The following MAPKAPK2 variants were observed in gnomAD, a reference collection of about 807,000 sequenced individuals.
MAPKAPK2 encodes MAPK activated protein kinase 2, also known as MAP kinase-activated protein kinase 2.
In MAPKAPK2, 9 loss-of-function variants were observed where a neutral mutation model predicts 48.8. The ratio of observed to expected loss-of-function variants is 0.18; its 90% CI spans 0.11 to 0.32. MAPKAPK2 has a LOEUF of 0.32. Among genes scored for constraint, MAPKAPK2 ranks in the 10% least tolerant of loss-of-function variants. The pLI, the probability that MAPKAPK2 is intolerant of heterozygous loss-of-function variation, is 1.00. For synonymous variants in MAPKAPK2, 202 were observed against 190.6 expected (o/e 1.06, Z -0.49); for missense variants, 331 against 498.3 (o/e 0.66, Z 3.20).
chr1:206,731,875 A>G lies in MAPKAPK2; in HGVS notation c.1015A>G (p.Ser339Gly). Residue 339 changes from serine (S) to glycine (G), a missense_variant, in exon 9 of 10, where the codon AGC (serine) becomes GGC (glycine). Physicochemically the swap from Ser to Gly is moderately conservative, Grantham distance 56 (BLOSUM62 0). This residue lies in a region of MAPKAPK2 where 124 missense variants were observed against 194.6 expected (regional missense o/e 0.64). Coordinates refer to ENST00000367103, the MANE Select transcript of MAPKAPK2 (RefSeq NM_032960.4). The surrounding 1 kb of genome is among the most constrained non-coding windows in gnomAD (Gnocchi z 5.9). ...GGTCCCTCAAACCCCACTGCACACC[A>G]GCCGGGTCCTGAAGGAGGACAAGGA... is the stretch of plus-strand genomic sequence containing the variant. ...TKVPQTPLHT[S>G]RVLKEDKERW... The G allele has an allele frequency of 6.2e-7, 1 of 1,614,064 alleles. No individual in the cohort carries two copies. Among genetic ancestry groups the G allele is most frequent in the Non-Finnish European group, 8.5e-7 (1 of 1,180,008 alleles).
intron 1 of MAPKAPK2, among the ~76,000 whole-genome samples, chr1:206,705,445 C>T (rs1286793470): frequency 6.6e-6 from 1 of 152,134 alleles, no homozygotes; most frequent in Non-Finnish European, 1.5e-5. Flanking sequence ...GCCAGGCTGC[C>T]GAGAGTGCCT....
chr1:206,711,244 T>TTTTG (rs530867423), intron 1 of MAPKAPK2, among the ~76,000 whole-genome samples: 9 of 152,322 alleles, frequency 5.9e-5, no homozygotes, highest in East Asian at 1.9e-4. Context: ...TGGAAGTTTT[T>TTTTG]TTTGTTTGTT....
intron 1 of MAPKAPK2, among the ~76,000 whole-genome samples, chr1:206,714,704 G>T (rs1207248523): frequency 6.8e-6 from 1 of 146,822 alleles, no homozygotes; most frequent in Non-Finnish European, 1.5e-5. Flanking sequence ...GGTGGAGGTT[G>T]CAGTGAGCTG....
intron 1 of MAPKAPK2, among the ~76,000 whole-genome samples, chr1:206,722,046 T>G: frequency 1.5e-5 from 2 of 135,618 alleles, no homozygotes; most frequent in African/African-American, 2.8e-5. Context: ...GCCTGGGTAA[T>G]GAGAGTGAAA....
chr1:206,710,772 A>C (rs1673117860), intron 1 of MAPKAPK2, among the ~76,000 whole-genome samples: 1 of 152,238 alleles, frequency 6.6e-6, no homozygotes, highest in South Asian at 2.1e-4. Flanking sequence ...CTTAGAAAGG[A>C]GTATGACAAT....
intron 1 of MAPKAPK2, among the ~76,000 whole-genome samples, chr1:206,713,735 G>A (rs1366816754): frequency 1.3e-5 from 2 of 152,176 alleles, no homozygotes; most frequent in African/African-American, 4.8e-5. Flanking sequence ...GCGTGGTGGT[G>A]TATGTCTGTA....
At chr1:206,719,043 T>A (rs1013568967) in intron 1 of MAPKAPK2, among the ~76,000 whole-genome samples, 2 of 152,246 alleles carry the variant, frequency 1.3e-5, no homozygotes, top group African/African-American at 4.8e-5. Flanking sequence ...CTCTTTGAGC[T>A]ACACTGAGTG....
chr1:206,727,234 A>G (rs782694895), intron 1 of MAPKAPK2, among the ~76,000 whole-genome samples: 1 of 152,238 alleles, frequency 6.6e-6, no homozygotes. Flanking sequence ...TAGTGAGTGC[A>G]TGTCAGATAC....
rs1445245402 is a variant in MAPKAPK2 at position 206,685,566 on chromosome 1, G to T, written c.279+58G>T. ...CCGGTCCCGGGCCCTGGAGCTCCAC[G>T]GCGTCGGGTGCCCGTCCCGGCCTGG... On this transcript the variant is annotated intron_variant, in intron 1 of 9. Coordinates refer to ENST00000367103, the MANE Select transcript of MAPKAPK2 (RefSeq NM_032960.4). 4 of 1,348,766 alleles carry T rather than the reference G, an allele frequency of 3.0e-6. No individual in the cohort carries two copies. In the East Asian group the frequency reaches 1.5e-4, roughly 50 times the overall value. 83.5% of individuals were successfully genotyped at this position (1,348,766 alleles called of 1,614,324 possible). A position where few individuals can be genotyped will look rare whatever the true frequency, so the allele number is the denominator to read the frequency against.
Position 206,714,681 on chromosome 1 carries a change from C to A in MAPKAPK2, c.280-14029C>A, listed in dbSNP as rs538013465. Among the ~76,000 whole-genome samples the A allele has an allele frequency of 5.5e-5, 8 of 146,634 alleles. No individual in the cohort carries two copies. The Admixed American group carries it at 5.6e-4, about 10-fold the overall frequency. On this transcript the variant is annotated intron_variant, in intron 1 of 9. Transcript: ENST00000367103. ...TCGGGAGGCTGAGGTGGGAGAATTG[C>A]TTGAATCTGGGAGGTGGAGGTTGCA...
chr1:206,685,559 G>A, intron 1 of MAPKAPK2, 51 bp downstream of exon 1: 2 of 1,380,648 alleles, frequency 1.4e-6, no homozygotes, highest in South Asian at 2.8e-5. Context: ...GGGCCCTGGA[G>A]CTCCACGGCG....
At position 206,731,753 on chromosome 1, in the gene MAPKAPK2, G is replaced by A; in HGVS notation, c.978+28G>A. 6.2e-7 allele frequency: 1 copy of A among 1,612,430 alleles called. No individual in the cohort carries two copies. On this transcript the variant is annotated intron_variant, in intron 8 of 9. Transcript: ENST00000367103. This position sits in a 1 kb window ranked among gnomAD's most constrained non-coding sequence, Gnocchi z 5.9. The stretch of plus-strand genomic sequence containing the variant: ...AAGCTCGGCAGGCTGGGGAGCCTTG[G>A]GTCTCACGGGACTATTCCACAGGAC...
chr1:206,702,944 C>T (rs1219082562), intron 1 of MAPKAPK2, among the ~76,000 whole-genome samples: 2 of 152,214 alleles, frequency 1.3e-5, no homozygotes, highest in African/African-American at 4.8e-5. Flanking sequence ...AACTGCCTCC[C>T]TCCTCTGCCC....
chr1:206,709,063 T>C (rs1673054963), intron 1 of MAPKAPK2, among the ~76,000 whole-genome samples: 1 of 152,212 alleles, frequency 6.6e-6, no homozygotes, highest in Admixed American at 6.5e-5. Context: ...CTTGCACAAA[T>C]CTTGTTGTGG....
intron 1 of MAPKAPK2, among the ~76,000 whole-genome samples, chr1:206,709,257 C>T (rs782129012): frequency 2.1e-4 from 32 of 152,186 alleles, no homozygotes; most frequent in Non-Finnish European, 1.9e-4. Flanking sequence ...TTCTCTTCTT[C>T]CGGCAATTCA....
Position 206,685,523 on chromosome 1 carries a change from C to G in MAPKAPK2, c.279+15C>G, listed in dbSNP as rs782526749. The G allele has an allele frequency of 6.7e-7, 1 of 1,491,904 alleles. No homozygotes were observed. The highest frequency in any genetic ancestry group is 2.0e-5 in the Admixed American group (1 of 49,760). 92.4% of individuals were successfully genotyped at this position (1,491,904 alleles called of 1,614,324 possible). ...TCGCCCTCAAAGTAGGTCTGGGGCC[C>G]GGGGAGGGGAGGCGGGGCCGGTCCC... On this transcript the variant is annotated intron_variant, in intron 1 of 9. Coordinates refer to ENST00000367103, the MANE Select transcript of MAPKAPK2 (RefSeq NM_032960.4).
chr1:206,703,586 A>G (rs1553428175), intron 1 of MAPKAPK2, among the ~76,000 whole-genome samples: 1 of 152,204 alleles, frequency 6.6e-6, no homozygotes, highest in African/African-American at 2.4e-5. Context: ...AAAAATTGGG[A>G]AACAGAGGGT....
chr1:206,731,126 C>T lies in MAPKAPK2; in HGVS notation c.768-12C>T, dbSNP rs374853512. 1.9e-6 allele frequency: 3 copies of T among 1,614,082 alleles called. No individual in the cohort carries two copies. Among genetic ancestry groups the T allele is most frequent in the Non-Finnish European group, 2.5e-6 (3 of 1,180,030 alleles). On this transcript the variant is annotated splice_polypyrimidine_tract_variant and intron_variant, in intron 6 of 9. Coordinates refer to ENST00000367103, the MANE Select transcript of MAPKAPK2 (RefSeq NM_032960.4). This position sits in a 1 kb window ranked among gnomAD's most constrained non-coding sequence, Gnocchi z 5.9. ...TGTTCTGTCTCCCACTTCCTTCCTC[C>T]TGTTGATGCAGGCTGTGTGGGTATC...
intron 1 of MAPKAPK2, among the ~76,000 whole-genome samples, chr1:206,714,806 A>G (rs1553430108): frequency 6.8e-6 from 1 of 148,142 alleles, no homozygotes; most frequent in South Asian, 2.1e-4. Context: ...CCAGTTTTTT[A>G]TATCCTCTTA....
Sources: gnomAD v4.1 joint callset for allele counts (sites outside exome capture counted in the v4.1 genomes callset) on GRCh38, gnomAD v4.1.1 for gene constraint, gnomAD v4.1.1 regional missense constraint, Gnocchi (gnomAD v3.1) non-coding constraint, MANE v1.5 for transcripts, NCBI Gene and HGNC (gene_info 2026-07-23, HGNC 2026-07-21) for gene names.